The following CCDC85A variants were observed in gnomAD, a reference collection of about 807,000 sequenced individuals.
The protein encoded by CCDC85A is coiled-coil domain-containing protein 85A.
A neutral mutation model predicts 50.2 loss-of-function variants in CCDC85A; 38 were observed. The observed-to-expected ratio is 0.76, with a 90% CI of 0.58 to 0.99. The LOEUF is 0.99. Among genes scored for constraint, CCDC85A ranks in the 50% least tolerant of loss-of-function variants. The pLI is 0.00. For synonymous variants in CCDC85A, 366 were observed against 301.4 expected (o/e 1.21, Z -2.22); for missense variants, 820 against 742.0 (o/e 1.11, Z -1.22).
intron 2 of CCDC85A, among the ~76,000 whole-genome samples, chr2:56,271,537 T>C (rs991906931): frequency 2.0e-5 from 3 of 152,102 alleles, no homozygotes; most frequent in Non-Finnish European, 4.4e-5. Context: ...ACGGGTGAGT[T>C]TTAGGACAGA....
At chr2:56,264,386 C>T (rs1235731933) in intron 2 of CCDC85A, among the ~76,000 whole-genome samples, 1 of 152,146 alleles carries the variant, frequency 6.6e-6, no homozygotes, top group Non-Finnish European at 1.5e-5. Flanking sequence ...TAAATGGCAA[C>T]ACCATCTTTT....
chr2:56,283,708 G>A (rs1374027412), intron 2 of CCDC85A, among the ~76,000 whole-genome samples: 2 of 152,138 alleles, frequency 1.3e-5, no homozygotes, highest in Admixed American at 6.5e-5. Flanking sequence ...GGTATGAGTT[G>A]TGATATCTGT....
chr2:56,371,696 T>A (rs1676081797), intron 3 of CCDC85A, among the ~76,000 whole-genome samples: 1 of 152,066 alleles, frequency 6.6e-6, no homozygotes, highest in Non-Finnish European at 1.5e-5. Context: ...TTTTCAATTA[T>A]GTGATGCCTC....
At chr2:56,197,923 G>A (rs1022175989) in intron 2 of CCDC85A, among the ~76,000 whole-genome samples, 5 of 152,204 alleles carry the variant, frequency 3.3e-5, no homozygotes, top group African/African-American at 9.6e-5. Flanking sequence ...AGAAAAAGAA[G>A]CACATGAGTT....
At chr2:56,353,666 C>G (rs1035679965) in intron 3 of CCDC85A, among the ~76,000 whole-genome samples, 3 of 152,144 alleles carry the variant, frequency 2.0e-5, no homozygotes, top group Admixed American at 6.5e-5. Flanking sequence ...GGTACAGCCA[C>G]CATGGCAGGT....
intron 2 of CCDC85A, among the ~76,000 whole-genome samples, chr2:56,327,775 G>C (rs1673550950): frequency 6.9e-6 from 1 of 145,916 alleles, no homozygotes; most frequent in African/African-American, 2.6e-5. Flanking sequence ...ATCAGGAAAG[G>C]CAAGGACCAA....
At position 56,237,401 on chromosome 2, in the gene CCDC85A, G is replaced by A. The variant is rs13404821; in HGVS notation, c.1240+43961G>A. Among the ~76,000 whole-genome samples the A allele has an allele frequency of 6.9e-3, 1,053 of 152,298 alleles. 7 individuals are homozygous for A. The highest frequency in any genetic ancestry group is 0.024 in the African/African-American group (980 of 41,578). ...AGGTGTCAGTATCTGTCTTGATGTTGCTTTCACATAACATCATAGAGATTC... is the reference window on the plus strand; with the variant it reads ...AGGTGTCAGTATCTGTCTTGATGTTACTTTCACATAACATCATAGAGATTC... On this transcript the variant is annotated intron_variant, in intron 2 of 5. Coordinates refer to ENST00000407595, the MANE Select transcript of CCDC85A (RefSeq NM_001080433.2).
chr2:56,367,845 C>T (rs1675877510), intron 3 of CCDC85A, among the ~76,000 whole-genome samples: 1 of 152,138 alleles, frequency 6.6e-6, no homozygotes, highest in Admixed American at 6.5e-5. Flanking sequence ...GTGGGCCAGA[C>T]ACTGTTTTAA....
chr2:56,196,442 GT>G (rs1338326894), intron 2 of CCDC85A, among the ~76,000 whole-genome samples: 1 of 152,152 alleles, frequency 6.6e-6, no homozygotes, highest in Non-Finnish European at 1.5e-5. Context: ...ATTTATAAAT[GT>G]TCATAAAGTG....
chr2:56,196,130 C>T (rs1676511018), intron 2 of CCDC85A, among the ~76,000 whole-genome samples: 1 of 152,152 alleles, frequency 6.6e-6, no homozygotes, highest in Non-Finnish European at 1.5e-5. Context: ...TATTTTTTCT[C>T]TCTTAAAAAC....
intron 5 of CCDC85A, among the ~76,000 whole-genome samples, chr2:56,383,087 A>G (rs1435169823): frequency 6.6e-6 from 1 of 151,912 alleles, no homozygotes; most frequent in Non-Finnish European, 1.5e-5. Context: ...TTTGAGTACA[A>G]TGGGATATTT....
chr2:56,352,756 G>A (rs748983969), intron 3 of CCDC85A, among the ~76,000 whole-genome samples: 1 of 152,222 alleles, frequency 6.6e-6, no homozygotes, highest in African/African-American at 2.4e-5. Flanking sequence ...GACTCTGATA[G>A]TAATTCGGAG....
At chr2:56,246,264 A>G (rs1181125590) in intron 2 of CCDC85A, among the ~76,000 whole-genome samples, 1 of 152,192 alleles carries the variant, frequency 6.6e-6, no homozygotes, top group Non-Finnish European at 1.5e-5. Flanking sequence ...AGAAGTTCTT[A>G]ATATAATCTA....
chr2:56,277,408 A>G (rs1013855905), intron 2 of CCDC85A, among the ~76,000 whole-genome samples: 5 of 149,970 alleles, frequency 3.3e-5, no homozygotes, highest in African/African-American at 1.3e-4. Context: ...GCCCCTTTCC[A>G]CAGAGATCCT....
chr2:56,358,188 G>A (rs748192654), intron 3 of CCDC85A, among the ~76,000 whole-genome samples: 4 of 152,148 alleles, frequency 2.6e-5, no homozygotes, highest in South Asian at 2.1e-4. Context: ...AAACCTCTGC[G>A]TAGTATTGGG....
chr2:56,348,165 A>G (rs1381351352), intron 3 of CCDC85A, among the ~76,000 whole-genome samples: 1 of 152,198 alleles, frequency 6.6e-6, no homozygotes, highest in Non-Finnish European at 1.5e-5. Context: ...TACATTTGTT[A>G]AAAGTCCTAT....
chr2:56,347,645 C>T (rs979948808), intron 3 of CCDC85A, among the ~76,000 whole-genome samples: 24 of 152,146 alleles, frequency 1.6e-4, no homozygotes, highest in Non-Finnish European at 3.1e-4. Flanking sequence ...CACAAATTCC[C>T]ACCCCTGCAT....
chr2:56,337,132 T>A (rs547984276), intron 2 of CCDC85A, among the ~76,000 whole-genome samples: 2 of 152,352 alleles, frequency 1.3e-5, no homozygotes, highest in South Asian at 4.1e-4. Flanking sequence ...CAGTAAAATT[T>A]GAATTTAGAA....
intron 2 of CCDC85A, among the ~76,000 whole-genome samples, chr2:56,210,437 C>A (rs1276549757): frequency 6.6e-6 from 1 of 152,018 alleles, no homozygotes; most frequent in Non-Finnish European, 1.5e-5. Flanking sequence ...ATGTGACAAA[C>A]CACCTCAACA....
Sources: allele counts gnomAD v4.1 joint callset (sites outside exome capture counted in the v4.1 genomes callset), GRCh38; gene constraint gnomAD v4.1.1; transcripts MANE v1.5; gene names NCBI Gene and HGNC (gene_info 2026-07-23, HGNC 2026-07-21).